The following RANBP17 variants were observed in gnomAD, a reference collection of about 807,000 sequenced individuals.
RANBP17 encodes RAN binding protein 17, also known as ran-binding protein 17.
RANBP17 carries 158 observed loss-of-function variants against 141.2 expected under a neutral mutation model. That is an observed-to-expected ratio of 1.12 (90% CI 0.98 to 1.28). The LOEUF is 1.28. RANBP17 is among the 50% of genes most tolerant of loss of function. RANBP17 has a pLI of 0.00. For synonymous variants in RANBP17, 430 were observed against 450.0 expected (o/e 0.96, Z 0.56); for missense variants, 1,438 against 1,290.7 (o/e 1.11, Z -1.75).
At chr5:171,097,101 A>G (rs549926961) in intron 14 of RANBP17, among the ~76,000 whole-genome samples, 2 of 152,296 alleles carry the variant, frequency 1.3e-5, no homozygotes, top group Admixed American at 1.3e-4. Context: ...TTCTAAATCT[A>G]ATGCAGAAAT....
intron 14 of RANBP17, among the ~76,000 whole-genome samples, chr5:171,060,607 T>C (rs563901485): frequency 6.6e-6 from 1 of 152,302 alleles, no homozygotes; most frequent in African/African-American, 2.4e-5. Context: ...TCATCAAGGA[T>C]ATTGGTCTAA....
intron 14 of RANBP17, among the ~76,000 whole-genome samples, chr5:171,052,985 T>TGGGATTACAGGC (rs1554088535): frequency 6.6e-6 from 1 of 151,934 alleles, no homozygotes. Context: ...CCCAAGTAGC[T>TGGGATTACAGGC]ACTTTCATAT....
chr5:171,143,753 A>G (rs959003093), intron 14 of RANBP17, among the ~76,000 whole-genome samples: 8 of 152,250 alleles, frequency 5.3e-5, no homozygotes, highest in Non-Finnish European at 8.8e-5. Context: ...ATGGAAATGT[A>G]TGAAGTTCCA....
intron 24 of RANBP17, among the ~76,000 whole-genome samples, chr5:171,248,352 G>A (rs925337181): frequency 2.0e-5 from 3 of 148,180 alleles, no homozygotes; most frequent in Non-Finnish European, 3.0e-5. Flanking sequence ...GGGCAACAGA[G>A]CGAGACTCCA....
intron 14 of RANBP17, among the ~76,000 whole-genome samples, chr5:170,969,012 T>C (rs966946423): frequency 1.3e-4 from 20 of 151,836 alleles, no homozygotes; most frequent in African/African-American, 4.8e-4. Flanking sequence ...GTTCTAAGGA[T>C]ATTCTCATTT....
At chr5:171,124,205 T>C (rs1756257766) in intron 14 of RANBP17, among the ~76,000 whole-genome samples, 1 of 151,336 alleles carries the variant, frequency 6.6e-6, no homozygotes, top group Admixed American at 6.6e-5. Context: ...GTGAATGAAA[T>C]TTAAAAAAAT....
rs1776725660 is a variant in RANBP17 at position 170,968,195 on chromosome 5, C to G, written c.1575-47C>G. The G allele has an allele frequency of 2.9e-6, 4 of 1,360,524 alleles. No homozygotes were observed. In the East Asian group the frequency reaches 9.7e-5, roughly 33 times the overall value. The allele number at this position is 1,360,524 out of a possible 1,614,324, so 84.3% of individuals were successfully genotyped here. A position where few individuals can be genotyped will look rare whatever the true frequency, so the allele number is the denominator to read the frequency against. On this transcript the variant is annotated intron_variant, in intron 13 of 27. Coordinates refer to ENST00000523189, the MANE Select transcript of RANBP17 (RefSeq NM_022897.5). ...TGGTAAATGTTTTAATGTTGTTTCT[C>G]TAAGGTTTTGTACTGAAGGTTTTTT...
At chr5:171,155,095 ATATATATAT>A (rs1490976008) in intron 14 of RANBP17, among the ~76,000 whole-genome samples, 2 of 32,670 alleles carry the variant, frequency 6.1e-5, no homozygotes, top group Admixed American at 4.2e-4. Context: ...AAAAAAAAAA[ATATATATAT>A]ATATATATAT....
At chr5:171,052,187 C>G (rs1440497661) in intron 14 of RANBP17, among the ~76,000 whole-genome samples, 1 of 151,974 alleles carries the variant, frequency 6.6e-6, no homozygotes, top group Non-Finnish European at 1.5e-5. Flanking sequence ...CAAATATGTT[C>G]TCCCTTTTTG....
At chr5:171,014,058 C>G (rs1381929811) in intron 14 of RANBP17, among the ~76,000 whole-genome samples, 1 of 152,022 alleles carries the variant, frequency 6.6e-6, no homozygotes, top group Non-Finnish European at 1.5e-5. Flanking sequence ...GAATTGACCT[C>G]TTTATTATTT....
chr5:171,066,598 C>G (rs997852976), intron 14 of RANBP17, among the ~76,000 whole-genome samples: 1 of 152,172 alleles, frequency 6.6e-6, no homozygotes, highest in African/African-American at 2.4e-5. Context: ...GATTCCATAT[C>G]TTGTCTGTTC....
intron 18 of RANBP17, among the ~76,000 whole-genome samples, chr5:171,185,383 A>G (rs1761166704): frequency 6.6e-6 from 1 of 152,208 alleles, no homozygotes. Context: ...TCCTTTCACA[A>G]AAGATTTTTC....
At chr5:171,099,174 A>G (rs1032809234) in intron 14 of RANBP17, among the ~76,000 whole-genome samples, 1 of 152,114 alleles carries the variant, frequency 6.6e-6, no homozygotes, top group Non-Finnish European at 1.5e-5. Context: ...GTTTGATGGG[A>G]ATAACATTGA....
chr5:171,203,365 G>A (rs548017606), intron 19 of RANBP17, among the ~76,000 whole-genome samples: 34 of 152,208 alleles, frequency 2.2e-4, no homozygotes, highest in African/African-American at 7.9e-4. Context: ...TTTGGCTATT[G>A]AGAAAACACT....
At chr5:171,055,401 C>T (rs773850310) in intron 14 of RANBP17, among the ~76,000 whole-genome samples, 1 of 152,096 alleles carries the variant, frequency 6.6e-6, no homozygotes, top group South Asian at 2.1e-4. Context: ...TCTCCAGTCT[C>T]CCATTTTTAT....
chr5:171,294,740 A>T (rs1315914673), intron 26 of RANBP17, among the ~76,000 whole-genome samples: 1 of 152,234 alleles, frequency 6.6e-6, no homozygotes, highest in African/African-American at 2.4e-5. Context: ...ACTGTCATTC[A>T]TCTTCCCTCG....
chr5:170,969,172 A>T (rs772474374), intron 14 of RANBP17, among the ~76,000 whole-genome samples: 3 of 151,868 alleles, frequency 2.0e-5, no homozygotes, highest in Admixed American at 1.3e-4. Flanking sequence ...ATTGTGTAGT[A>T]GTGTGAAAAA....
chr5:171,000,681 A>G (rs1395563496), intron 14 of RANBP17, among the ~76,000 whole-genome samples: 1 of 152,202 alleles, frequency 6.6e-6, no homozygotes, highest in Non-Finnish European at 1.5e-5. Context: ...AAAGAGAGTC[A>G]GCAAAGCTTG....
chr5:171,052,301 G>C (rs976842730), intron 14 of RANBP17, among the ~76,000 whole-genome samples: 1 of 152,088 alleles, frequency 6.6e-6, no homozygotes, highest in Non-Finnish European at 1.5e-5. Flanking sequence ...TGGTTTTTGA[G>C]TCAAATCTAA....
Sources: gnomAD v4.1 joint callset for allele counts (sites outside exome capture counted in the v4.1 genomes callset) on GRCh38, gnomAD v4.1.1 for gene constraint, MANE v1.5 for transcripts, NCBI Gene and HGNC (gene_info 2026-07-23, HGNC 2026-07-21) for gene names.